Variants in SNX25 observed in about 807,000 individuals in gnomAD.
SNX25 encodes the protein sorting nexin 25.
SNX25 carries 62 observed loss-of-function variants against 113.7 expected under a neutral mutation model. The ratio of observed to expected loss-of-function variants is 0.55; its 90% CI spans 0.44 to 0.67. The LOEUF (loss-of-function observed/expected upper bound fraction) is 0.67, where lower values mean the gene tolerates loss of function less well. Among genes scored for constraint, SNX25 ranks in the 30% least tolerant of loss-of-function variants. SNX25 has a pLI of 0.00. For synonymous variants in SNX25, 421 were observed against 436.2 expected, an observed-to-expected ratio of 0.97 and a Z score of 0.43; for missense variants, 1,014 against 1,161.0, an observed-to-expected ratio of 0.87 and a Z score of 1.84.
At chr4:185,295,736 C>G (rs1489027774) in intron 6 of SNX25, 1 of 152,128 alleles carries the variant, frequency 6.6e-6, no homozygotes, top group East Asian at 1.9e-4. Context: ...TCTGAGCCAC[C>G]ACACCTGGCC....
rs116224524 is a variant in SNX25, at chr4:185,293,052, C to T, written c.1162+4970C>T. Among the ~76,000 whole-genome samples, 698 of 152,322 alleles carry T rather than the reference C, an allele frequency of 4.6e-3. 1 individual carries two copies. The highest frequency in any genetic ancestry group is 0.015 in the African/African-American group (627 of 41,576). On this transcript the variant is annotated intron_variant, in intron 6 of 18. Transcript: ENST00000652585. The stretch of plus-strand genomic sequence containing the variant: ...GGTTGTATCCATAACATATAAAGAA[C>T]TCTTATAACTCGATAATCAAAAGAG...
intron 10 of SNX25, among the ~76,000 whole-genome samples, chr4:185,336,189 A>T (rs564107260): frequency 1.3e-5 from 2 of 152,178 alleles, no homozygotes; most frequent in Non-Finnish European, 2.9e-5. Context: ...TTTTATTTCA[A>T]TACGTTTTTA....
At chr4:185,351,673 C>T (rs1221386712) in intron 14 of SNX25, 64 bp downstream of exon 14, 1 of 1,529,836 alleles carries the variant, frequency 6.5e-7, no homozygotes, top group African/African-American at 1.4e-5. Context: ...GCTCATGCTC[C>T]TCATGGGGGG....
At chr4:185,359,816 G>T (rs913137752) in intron 16 of SNX25, among the ~76,000 whole-genome samples, 1 of 152,120 alleles carries the variant, frequency 6.6e-6, no homozygotes, top group Non-Finnish European at 1.5e-5. Context: ...TAAAATGAGC[G>T]GCTGCATGTT....
chr4:185,260,660 C>T (rs1747166044), intron 3 of SNX25, among the ~76,000 whole-genome samples: 1 of 152,148 alleles, frequency 6.6e-6, no homozygotes, highest in African/African-American at 2.4e-5. Context: ...AGTGATGATG[C>T]CATTTCACAT....
At chr4:185,372,241 G>C (rs549357203), downstream of SNX25, among the ~76,000 whole-genome samples, 5 of 152,254 alleles carry the variant, frequency 3.3e-5, no homozygotes, top group East Asian at 9.7e-4. Context: ...TTATAATCCT[G>C]CTATAAAGGT....
chr4:185,313,251 A>G (rs548735805), intron 7 of SNX25, among the ~76,000 whole-genome samples: 1 of 152,354 alleles, frequency 6.6e-6, no homozygotes, highest in East Asian at 1.9e-4. Context: ...ACTAAGTATA[A>G]GAGATCTAGA....
intron 13 of SNX25, among the ~76,000 whole-genome samples, chr4:185,348,394 T>G (rs1188394436): frequency 3.7e-5 from 5 of 134,142 alleles, no homozygotes; most frequent in Non-Finnish European, 7.7e-5. Flanking sequence ...GTATATCATT[T>G]CTTTATTTTT....
chr4:185,240,720 A>G (rs928991940), intron 1 of SNX25, among the ~76,000 whole-genome samples: 48 of 151,062 alleles, frequency 3.2e-4, no homozygotes, highest in African/African-American at 1.1e-3. Flanking sequence ...TCCCTCCCAG[A>G]CGGGGTGGCT....
At chr4:185,251,639 C>T (rs13106074) in intron 2 of SNX25, among the ~76,000 whole-genome samples, 1 of 139,760 alleles carries the variant, frequency 7.2e-6, no homozygotes, top group African/African-American at 2.8e-5. Flanking sequence ...GTGTGTGTGC[C>T]ACATTTTGTT....
intron 7 of SNX25, among the ~76,000 whole-genome samples, chr4:185,318,497 G>A (rs1252606807): frequency 3.9e-5 from 6 of 151,976 alleles, no homozygotes; most frequent in Non-Finnish European, 7.4e-5. Flanking sequence ...ACATCCATAC[G>A]GAGGAATTTT....
chr4:185,317,298 G>A (rs1335725952), intron 7 of SNX25, among the ~76,000 whole-genome samples: 3 of 152,154 alleles, frequency 2.0e-5, no homozygotes, highest in Non-Finnish European at 2.9e-5. Context: ...TTAGAATGGC[G>A]ATTATTAAAA....
intron 1 of SNX25, among the ~76,000 whole-genome samples, chr4:185,246,877 A>G (rs1469380667): frequency 6.6e-6 from 1 of 152,168 alleles, no homozygotes; most frequent in African/African-American, 2.4e-5. Flanking sequence ...TTATTTATAT[A>G]CAGAATGTAA....
At chr4:185,272,636 A>C (rs1749108588) in intron 5 of SNX25, among the ~76,000 whole-genome samples, 1 of 152,160 alleles carries the variant, frequency 6.6e-6, no homozygotes, top group Admixed American at 6.5e-5. Context: ...ACGTGCAACT[A>C]ATATTGAGAT....
chr4:185,234,198 A>C (rs909081009), intron 1 of SNX25, among the ~76,000 whole-genome samples: 1 of 152,126 alleles, frequency 6.6e-6, no homozygotes. Context: ...ATCTACTTCT[A>C]TTGATCACTT....
intron 1 of SNX25, among the ~76,000 whole-genome samples, chr4:185,212,879 A>G (rs1374625621): frequency 6.6e-6 from 1 of 152,160 alleles, no homozygotes; most frequent in East Asian, 1.9e-4. Flanking sequence ...ATTTATCCTT[A>G]TATATTTTGA....
intron 1 of SNX25, among the ~76,000 whole-genome samples, chr4:185,240,579 A>T (rs1420981939): frequency 2.4e-4 from 29 of 118,998 alleles, no homozygotes; most frequent in African/African-American, 6.7e-4. Context: ...GGGGCTCCTC[A>T]CTTCCCAGTA....
At chr4:185,346,759 C>A in intron 13 of SNX25, 109 bp downstream of exon 13, 3 of 651,164 alleles carry the variant, frequency 4.6e-6, no homozygotes, top group Admixed American at 3.6e-5. Context: ...ACAAGCCATG[C>A]TAGATGCTAA....
chr4:185,212,306 T>A (rs199944497), intron 1 of SNX25, among the ~76,000 whole-genome samples: 3 of 122,588 alleles, frequency 2.4e-5, no homozygotes, highest in East Asian at 2.5e-4. Context: ...AAAAAAAAAT[T>A]TTTTTTTAAA....
Sources: gnomAD v4.1 joint callset for allele counts (sites outside exome capture counted in the v4.1 genomes callset) on GRCh38, gnomAD v4.1.1 for gene constraint, MANE v1.5 for transcripts, NCBI Gene and HGNC (gene_info 2026-07-23, HGNC 2026-07-21) for gene names.